The following ZNF536 variants were observed in gnomAD, a reference collection of about 807,000 sequenced individuals.
ZNF536 encodes the protein zinc finger protein 536.
Under a neutral mutation model 84.5 loss-of-function variants are expected in ZNF536, and 13 were observed. The ratio of observed to expected loss-of-function variants is 0.15; its 90% CI spans 0.10 to 0.24. The LOEUF is 0.24. Among genes scored for constraint, ZNF536 ranks in the 10% least tolerant of loss-of-function variants. The pLI is 1.00. For missense variants in ZNF536, 1,536 were observed against 1,747.5 expected, an observed-to-expected ratio of 0.88 and a Z score of 2.16; for synonymous variants, 811 against 742.5, an observed-to-expected ratio of 1.09 and a Z score of -1.50.
chr19:30,234,855 G>A (rs1275196402), intron 1 of ZNF536, among the ~76,000 whole-genome samples: 1 of 152,066 alleles, frequency 6.6e-6, no homozygotes, highest in Non-Finnish European at 1.5e-5. Context: ...TCACAGAAAT[G>A]CCCATTCAGC....
chr19:30,299,619 T>C (rs2145912153), intron 2 of ZNF536, among the ~76,000 whole-genome samples: 1 of 152,316 alleles, frequency 6.6e-6, no homozygotes, highest in South Asian at 2.1e-4. Flanking sequence ...CTGATGATAT[T>C]GGAATATGGC....
chr19:30,508,971 T>C (rs1041085774), intron 2 of ZNF536, among the ~76,000 whole-genome samples: 2 of 151,112 alleles, frequency 1.3e-5, no homozygotes, highest in African/African-American at 4.9e-5. Context: ...GGGAGCACAG[T>C]TGTGTGCCAG....
At chr19:30,372,175 G>T (rs2048633530), upstream of ZNF536, among the ~76,000 whole-genome samples, 1 of 152,220 alleles carries the variant, frequency 6.6e-6, no homozygotes, top group Admixed American at 6.5e-5. Flanking sequence ...TAATTGCAGG[G>T]CCTTTCTGGC....
At chr19:30,448,474 A>G (rs532887110) in intron 2 of ZNF536, among the ~76,000 whole-genome samples, 2 of 152,380 alleles carry the variant, frequency 1.3e-5, no homozygotes, top group Middle Eastern at 6.8e-3. Flanking sequence ...TAAGCCCTTA[A>G]GTAAAGAAAG....
At chr19:30,614,740 G>T (rs767941885) in intron 1 of ZNF536, among the ~76,000 whole-genome samples, 1 of 151,174 alleles carries the variant, frequency 6.6e-6, no homozygotes, top group Non-Finnish European at 1.5e-5. Flanking sequence ...ATATATTAAG[G>T]AAATTAGCCC....
rs556835599 is a variant in ZNF536, at chr19:30,617,333, CTTTTTTTTTTTT to C, written c.169+67841_169+67852del. 1.4e-3 allele frequency among the ~76,000 whole-genome samples: 51 copies of C among 37,714 alleles called. 1 individual carries two copies. Among genetic ancestry groups the C allele is most frequent in the South Asian group, 2.2e-3 (1 of 456 alleles). 24.7% of individuals were successfully genotyped at this position (37,714 alleles called of 152,430 possible). On this transcript the variant is annotated intron_variant, in intron 1 of 1. Coordinates refer to the ZNF536 transcript ENST00000592773. ...GAGTCCACCATATCTGAATAGCTTA[CTTTTTTTTTTTT>C]TTTTTTTTTTTTTTTTTTTTTATGA... is the stretch of plus-strand genomic sequence containing the variant.
At chr19:30,698,227 C>T (rs561536864) in intron 1 of ZNF536, among the ~76,000 whole-genome samples, 2 of 151,438 alleles carry the variant, frequency 1.3e-5, no homozygotes, top group Admixed American at 6.6e-5. Flanking sequence ...GGGAGGTGGA[C>T]GCTGCAGTGA....
chr19:30,711,555 C>G (rs1443543182), exon 2 of ZNF536: 1 of 152,184 alleles, frequency 6.6e-6, no homozygotes, highest in Non-Finnish European at 1.5e-5. Context: ...TAACTGCACT[C>G]TTGGAGAAAC....
intron 3 of ZNF536, among the ~76,000 whole-genome samples, chr19:30,362,045 GTGTC>G (rs2048292593): frequency 3.3e-5 from 5 of 151,642 alleles, no homozygotes; most frequent in Non-Finnish European, 7.4e-5. Context: ...TGTACTGCGG[GTGTC>G]TGTCTGTTTC....
intron 2 of ZNF536, among the ~76,000 whole-genome samples, chr19:30,509,319 A>G (rs1218758976): frequency 6.7e-6 from 1 of 148,420 alleles, no homozygotes; most frequent in Admixed American, 6.8e-5. Context: ...ATACATATAT[A>G]ACTACGTATG....
At chr19:30,528,179 C>T (rs1412135575) in intron 2 of ZNF536, among the ~76,000 whole-genome samples, 1 of 152,160 alleles carries the variant, frequency 6.6e-6, no homozygotes, top group African/African-American at 2.4e-5. Context: ...TGCGTGCTTG[C>T]TGGGGTAACT....
At chr19:30,679,061 TTCTC>T (rs1487340616) in intron 1 of ZNF536, among the ~76,000 whole-genome samples, 1 of 151,938 alleles carries the variant, frequency 6.6e-6, no homozygotes, top group Non-Finnish European at 1.5e-5. Context: ...CATGAGTAGA[TTCTC>T]TCAGTGGCAA....
At chr19:30,621,911 G>A (rs768446595) in intron 1 of ZNF536, among the ~76,000 whole-genome samples, 12 of 152,158 alleles carry the variant, frequency 7.9e-5, no homozygotes, top group Admixed American at 5.2e-4. Flanking sequence ...TATTTTAAAC[G>A]AAAACAGTTT....
At chr19:30,265,174 CAG>C (rs2025446636) in intron 1 of ZNF536, among the ~76,000 whole-genome samples, 1 of 152,048 alleles carries the variant, frequency 6.6e-6, no homozygotes, top group Non-Finnish European at 1.5e-5. Context: ...CCCTAGAAGA[CAG>C]GGGAACAGCA....
intron 1 of ZNF536, among the ~76,000 whole-genome samples, chr19:30,702,758 C>T (rs1235113650): frequency 1.3e-5 from 2 of 152,170 alleles, no homozygotes; most frequent in Non-Finnish European, 2.9e-5. Context: ...TGCAGTAGCA[C>T]TGTCTCTCTT....
At chr19:30,540,186 C>T (rs993024426) in intron 3 of ZNF536, among the ~76,000 whole-genome samples, 7 of 152,046 alleles carry the variant, frequency 4.6e-5, no homozygotes, top group Non-Finnish European at 7.4e-5. Context: ...ACGCCCGGCA[C>T]CCCCCAACTC....
intron 1 of ZNF536, among the ~76,000 whole-genome samples, chr19:30,648,120 G>C (rs753141578): frequency 1.3e-5 from 2 of 152,030 alleles, no homozygotes; most frequent in African/African-American, 4.8e-5. Flanking sequence ...TTCCTTTTCT[G>C]CCTGTGTTCC....
chr19:30,584,376 T>C (rs1415326826), intron 1 of ZNF536, among the ~76,000 whole-genome samples: 4 of 152,178 alleles, frequency 2.6e-5, no homozygotes, highest in African/African-American at 9.7e-5. Flanking sequence ...AAGAAAGCTG[T>C]TAGTGAAGGT....
At chr19:30,531,345 C>T (rs560804623) in intron 2 of ZNF536, among the ~76,000 whole-genome samples, 10 of 152,240 alleles carry the variant, frequency 6.6e-5, no homozygotes, top group Admixed American at 2.0e-4. Flanking sequence ...GCGGCCGTAT[C>T]GCTATTTTTA....
Sources: gnomAD v4.1 joint callset for allele counts (sites outside exome capture counted in the v4.1 genomes callset) on GRCh38, gnomAD v4.1.1 for gene constraint, MANE v1.5 for transcripts, NCBI Gene and HGNC (gene_info 2026-07-23, HGNC 2026-07-21) for gene names.